Variants in TAS2R1 observed in about 807,000 individuals in gnomAD.
TAS2R1 encodes the protein taste receptor type 2 member 1.
For missense variants in TAS2R1, 370 were observed against 353.4 expected, an observed-to-expected ratio of 1.05 and a Z score of -0.38; for synonymous variants, 141 against 134.2, an observed-to-expected ratio of 1.05 and a Z score of -0.35.
At chr5:9,901,400 A>G in the TAS2R1 span, among the ~76,000 whole-genome samples, 11 of 152,064 alleles carry the variant, frequency 7.2e-5, no homozygotes, top group African/African-American at 1.9e-4. Context: ...GGCATGGCCA[A>G]AAGTTTAGGT....
chr5:9,852,317 T>C, the TAS2R1 span, among the ~76,000 whole-genome samples: 2 of 152,116 alleles, frequency 1.3e-5, no homozygotes, highest in South Asian at 2.1e-4. Flanking sequence ...GTTGGATGAC[T>C]TAACTGTAGA....
the TAS2R1 span, among the ~76,000 whole-genome samples, chr5:9,845,074 C>T: frequency 6.6e-6 from 1 of 152,116 alleles, no homozygotes; most frequent in Non-Finnish European, 1.5e-5. Context: ...ACATTGAAGC[C>T]CTAATGCCCA....
At chr5:9,751,612 C>A in the TAS2R1 span, among the ~76,000 whole-genome samples, 3 of 152,128 alleles carry the variant, frequency 2.0e-5, no homozygotes, top group Non-Finnish European at 4.4e-5. Context: ...ACTTGCTTTA[C>A]ATTTCATATT....
chr5:9,786,032 C>T, the TAS2R1 span, among the ~76,000 whole-genome samples: 1 of 152,324 alleles, frequency 6.6e-6, no homozygotes, highest in African/African-American at 2.4e-5. Context: ...GAGAACTGTC[C>T]TAATTTTCCT....
At chr5:9,840,432 C>T in the TAS2R1 span, among the ~76,000 whole-genome samples, 1 of 152,106 alleles carries the variant, frequency 6.6e-6, no homozygotes, top group African/African-American at 2.4e-5. Flanking sequence ...TTATTCATAT[C>T]TTATTATCTT....
the TAS2R1 span, among the ~76,000 whole-genome samples, chr5:9,785,160 C>T: frequency 2.0e-5 from 3 of 152,178 alleles, no homozygotes; most frequent in Non-Finnish European, 2.9e-5. Flanking sequence ...CTCCCCACAG[C>T]CAGGTGAGTT....
the TAS2R1 span, chr5:9,902,623 A>T: frequency 6.6e-6 from 1 of 152,048 alleles, no homozygotes; most frequent in African/African-American, 2.4e-5. Flanking sequence ...AACTGGAGAG[A>T]CAGGCAGATA....
chr5:9,799,637 T>C, the TAS2R1 span, among the ~76,000 whole-genome samples: 1 of 152,228 alleles, frequency 6.6e-6, no homozygotes, highest in Non-Finnish European at 1.5e-5. Flanking sequence ...TGTCACTATA[T>C]CACTAAATTA....
the TAS2R1 span, among the ~76,000 whole-genome samples, chr5:9,784,560 T>C: frequency 1.3e-5 from 2 of 152,188 alleles, no homozygotes; most frequent in African/African-American, 2.4e-5. Context: ...GGTCTCATCG[T>C]CAAACCGCCA....
chr5:9,715,815 G>A (rs184070059), upstream of TAS2R1, among the ~76,000 whole-genome samples: 3 of 152,284 alleles, frequency 2.0e-5, no homozygotes, highest in South Asian at 2.1e-4. Flanking sequence ...GGCTATGAAC[G>A]AATCTCCCTG....
intron 1 of TAS2R1, among the ~76,000 whole-genome samples, chr5:9,664,349 G>T (rs981257825): frequency 1.3e-5 from 2 of 152,176 alleles, no homozygotes; most frequent in African/African-American, 4.8e-5. Context: ...TCCTTTAGGT[G>T]CTGTGATGCA....
the TAS2R1 span, among the ~76,000 whole-genome samples, chr5:9,840,612 A>G: frequency 6.6e-6 from 1 of 151,938 alleles, no homozygotes; most frequent in African/African-American, 2.4e-5. Flanking sequence ...TATATTTTAG[A>G]TCCCAAGGCT....
chr5:9,814,212 C>G, the TAS2R1 span, among the ~76,000 whole-genome samples: 3 of 151,952 alleles, frequency 2.0e-5, no homozygotes, highest in African/African-American at 7.3e-5. Context: ...TGGGATCTGG[C>G]TAGACATCTG....
the TAS2R1 span, among the ~76,000 whole-genome samples, chr5:9,824,590 T>C: frequency 6.6e-6 from 1 of 152,154 alleles, no homozygotes; most frequent in Non-Finnish European, 1.5e-5. Flanking sequence ...CTCATGCCTA[T>C]AATCCCAGCA....
the TAS2R1 span, among the ~76,000 whole-genome samples, chr5:9,845,662 G>A: frequency 1.3e-5 from 2 of 152,166 alleles, no homozygotes; most frequent in Non-Finnish European, 2.9e-5. Context: ...ATAAAGGAAG[G>A]AGAATAAAGG....
intron 1 of TAS2R1, among the ~76,000 whole-genome samples, chr5:9,679,939 G>C (rs1740962108): frequency 6.6e-6 from 1 of 152,152 alleles, no homozygotes; most frequent in African/African-American, 2.4e-5. Flanking sequence ...TTCTCCAGTG[G>C]AAGAAGCCAG....
upstream of TAS2R1, among the ~76,000 whole-genome samples, chr5:9,632,787 A>G (rs1429912696): frequency 6.6e-6 from 1 of 151,856 alleles, no homozygotes; most frequent in Non-Finnish European, 1.5e-5. Flanking sequence ...TTCTATTTCC[A>G]CCACATCTCC....
rs530456895 is a variant in TAS2R1 at position 9,640,918 on chromosome 5, T to C, written c.-80-10926A>G. Reference sequence around the variant, plus strand: ...TCATTGTTTTCTAGCTCTCTCTTCCTGGAGAACCCAGACCATGACACCAGC... The same window carrying C: ...TCATTGTTTTCTAGCTCTCTCTTCCCGGAGAACCCAGACCATGACACCAGC... On this transcript the variant is annotated intron_variant, in intron 2 of 2. Transcript: ENST00000506620. Among the ~76,000 whole-genome samples, 54 of 152,344 alleles carry C rather than the reference T, an allele frequency of 3.5e-4. No individual in the cohort carries two copies. In the South Asian group the frequency reaches 0.011, roughly 30 times the overall value.
At chr5:9,756,399 A>G in the TAS2R1 span, among the ~76,000 whole-genome samples, 3 of 152,328 alleles carry the variant, frequency 2.0e-5, no homozygotes, top group South Asian at 4.1e-4. Context: ...GGGTTTGATC[A>G]ATGTCTCCCA....
Sources: allele counts gnomAD v4.1 joint callset (sites outside exome capture counted in the v4.1 genomes callset), GRCh38; gene constraint gnomAD v4.1.1; transcripts MANE v1.5; gene names NCBI Gene and HGNC (gene_info 2026-07-23, HGNC 2026-07-21).